Variants in ALDH4A1 observed in about 807,000 individuals in gnomAD.
The protein encoded by ALDH4A1 is aldehyde dehydrogenase 4 family member A1.
ALDH4A1 carries 46 observed loss-of-function variants against 70.5 expected under a neutral mutation model. The ratio of observed to expected loss-of-function variants is 0.65; its 90% CI spans 0.51 to 0.83. The LOEUF is 0.83. Ranked by LOEUF, ALDH4A1 falls within the 40% of genes least tolerant of loss-of-function variation. The probability of loss-of-function intolerance (pLI) is 0.00; values close to 1 mark genes in which losing one functional copy is unlikely to be tolerated. For synonymous variants in ALDH4A1, 323 were observed against 324.3 expected (o/e 1.00, Z 0.04); for missense variants, 749 against 766.5 (o/e 0.98, Z 0.27).
intron 1 of ALDH4A1, among the ~76,000 whole-genome samples, chr1:18,896,194 C>T (rs544522999): frequency 5.3e-5 from 8 of 152,204 alleles, no homozygotes; most frequent in South Asian, 2.1e-4. Flanking sequence ...TCTGTGTGCC[C>T]GCCAGGCCAC....
At chr1:18,885,427 T>TACCACCCCCCCCCCC in intron 5 of ALDH4A1, 46 bp downstream of exon 5, 1 of 650,922 alleles carries the variant, frequency 1.5e-6, no homozygotes, top group Non-Finnish European at 2.7e-6. Context: ...CACACCTGAC[T>TACCACCCCCCCCCCC]CCCACCCCAC....
At position 18,872,559 on chromosome 1, in the gene ALDH4A1, C is replaced by G. The variant is rs1934484670; in HGVS notation, c.*286G>C. 3.2e-6 allele frequency: 1 copy of G among 308,476 alleles called. No individual in the cohort carries two copies. Among genetic ancestry groups the G allele is most frequent in the Middle Eastern group, 9.8e-4 (1 of 1,020 alleles). 19.1% of individuals were successfully genotyped at this position (308,476 alleles called of 1,614,324 possible). On this transcript the variant is annotated 3_prime_UTR_variant, in exon 15 of 15. Coordinates refer to ENST00000375341, the MANE Select transcript of ALDH4A1 (RefSeq NM_003748.4). ...CTCCTTTCCCCAGGTCCCTGAGCCA[C>G]TGGGCCCAGTGGAGGGCAGAGGGAG... is the stretch of plus-strand genomic sequence containing the variant.
intron 5 of ALDH4A1, 46 bp downstream of exon 5, chr1:18,885,427 T>TGCCACCCCCCCCCCCCCCCCC: frequency 3.1e-6 from 2 of 650,920 alleles, no homozygotes; most frequent in East Asian, 3.2e-5. Context: ...CACACCTGAC[T>TGCCACCCCCCCCCCCCCCCCC]CCCACCCCAC....
chr1:18,876,051 G>A (rs1934666016), intron 12 of ALDH4A1, among the ~76,000 whole-genome samples: 1 of 152,206 alleles, frequency 6.6e-6, no homozygotes, highest in South Asian at 2.1e-4. Context: ...CAGCCATTAT[G>A]ATGGCTGCAG....
intron 1 of ALDH4A1, chr1:18,890,577 G>T: frequency 4.8e-6 from 3 of 628,878 alleles, no homozygotes; most frequent in Middle Eastern, 7.9e-4. Flanking sequence ...CACCTTGGGG[G>T]TCCACAACCC....
chr1:18,880,981 T>C lies in ALDH4A1; in HGVS notation c.866+719A>G, dbSNP rs1434570966. Among the ~76,000 whole-genome samples the C allele has an allele frequency of 6.6e-6, 1 of 152,000 alleles. No individual in the cohort carries two copies. The highest frequency in any genetic ancestry group is 1.5e-5 in the Non-Finnish European group (1 of 67,994). On this transcript the variant is annotated intron_variant, in intron 8 of 14. Coordinates refer to ENST00000375341, the MANE Select transcript of ALDH4A1 (RefSeq NM_003748.4). This position sits in a 1 kb window ranked among gnomAD's most constrained non-coding sequence, Gnocchi z 5.1. The stretch of plus-strand genomic sequence containing the variant: ...AAGTATCTTATGGTCACTGAACCAC[T>C]CCCTGCCGCCACCTCCAGCCTGAGA...
intron 11 of ALDH4A1, 152 bp from the exon 12 acceptor site, chr1:18,876,619 G>A: frequency 2.6e-6 from 2 of 762,036 alleles, no homozygotes; most frequent in Non-Finnish European, 2.0e-6. Context: ...CAAAAGCCAG[G>A]GTCTGGCTGA....
Position 18,889,403 on chromosome 1 carries a change from C to T in ALDH4A1, c.208G>A (p.Asp70Asn), listed in dbSNP as rs1319600530. The change falls in exon 3 of 15, where the codon GAT becomes AAT. Residue 70 changes from aspartate (D) to asparagine (N), a missense_variant. Coordinates refer to ENST00000375341, the MANE Select transcript of ALDH4A1 (RefSeq NM_003748.4). The stretch of plus-strand genomic sequence containing the variant: ...ACGTCCGACGTCCACACCTCCTCAT[C>T]CCCCACCACGCATGGGATGGCTTCC... ...RMEAIPCVVG[D>N]EEVWTSDVQY... 29 of 1,552,800 alleles carry T rather than the reference C, an allele frequency of 1.9e-5. No homozygotes were observed. Among genetic ancestry groups the T allele is most frequent in the Admixed American group, 1.2e-4 (6 of 51,226 alleles).
intron 4 of ALDH4A1, among the ~76,000 whole-genome samples, chr1:18,885,999 C>T (rs1162146060): frequency 6.6e-6 from 1 of 152,178 alleles, no homozygotes; most frequent in Admixed American, 6.5e-5. Flanking sequence ...GAGCCTGAGA[C>T]ACGGCTCTGC....
chr1:18,884,907 G>A (rs1391542723), intron 5 of ALDH4A1, among the ~76,000 whole-genome samples: 1 of 152,200 alleles, frequency 6.6e-6, no homozygotes, highest in Non-Finnish European at 1.5e-5. Context: ...GGCAGAGGCA[G>A]AGAGGATGCC....
Position 18,874,536 on chromosome 1 carries a change from G to A in ALDH4A1, c.1506C>T (p.Gly502=), listed in dbSNP as rs1035551031. ...EATKVLRNAA[G]NFYINDKSTG... ...TGGACTTGTCGTTGATGTAGAAGTT[G>A]CCGGCAGCATTCCTCAGCACCTTTG... is the stretch of plus-strand genomic sequence containing the variant. Residue 502 remains glycine (G), a synonymous_variant, in exon 14 of 15, where the codon GGC becomes GGT. Coordinates refer to ENST00000375341, the MANE Select transcript of ALDH4A1 (RefSeq NM_003748.4). 6.2e-7 allele frequency: 1 copy of A among 1,614,240 alleles called. No individual in the cohort carries two copies. Among genetic ancestry groups the A allele is most frequent in the Non-Finnish European group, 8.5e-7 (1 of 1,180,040 alleles).
rs1367476663 is a variant in ALDH4A1 at position 18,881,749 on chromosome 1, C to T, written c.817G>A (p.Val273Ile). 8 of 1,614,008 alleles carry T rather than the reference C, an allele frequency of 5.0e-6. No individual in the cohort carries two copies. Among genetic ancestry groups the T allele is most frequent in the Non-Finnish European group, 6.8e-6 (8 of 1,180,038 alleles). Reference sequence around the variant, plus strand: ...CCACAGAGGTGCTCTGAGCTGGTGACAGTGTCCCCAAATAGGGGCCCATCA... The same window carrying T: ...CCACAGAGGTGCTCTGAGCTGGTGATAGTGTCCCCAAATAGGGGCCCATCA... Reference protein sequence around the residue: ...PADGPLFGDTVTSSEHLCGIN... With the variant: ...PADGPLFGDTITSSEHLCGIN... The change falls in exon 8 of 15, where the codon GTC becomes ATC. Residue 273 changes from valine to isoleucine, a missense_variant. Coordinates refer to ENST00000375341, the MANE Select transcript of ALDH4A1 (RefSeq NM_003748.4).
At chr1:18,897,522 G>A (rs1208343398) in intron 1 of ALDH4A1, among the ~76,000 whole-genome samples, 1 of 152,204 alleles carries the variant, frequency 6.6e-6, no homozygotes, top group East Asian at 1.9e-4. Flanking sequence ...CAGCCTGGGA[G>A]GTAGAGCGAG....
rs1284161909 is a variant in ALDH4A1, at chr1:18,879,396, G to A, written c.867-23C>T. On this transcript the variant is annotated intron_variant, in intron 8 of 14. Coordinates refer to ENST00000375341, the MANE Select transcript of ALDH4A1 (RefSeq NM_003748.4). Reference sequence around the variant, plus strand: ...GTGCTGGAACCACAGGAGAAAGGGTGGGGTTCAGGGAGCCAGGCCAGAGGA... The same window carrying A: ...GTGCTGGAACCACAGGAGAAAGGGTAGGGTTCAGGGAGCCAGGCCAGAGGA... The A allele has an allele frequency of 2.5e-6, 4 of 1,602,900 alleles. No homozygotes were observed. The Admixed American group carries it at 5.1e-5, about 21-fold the overall frequency.
Position 18,881,882 on chromosome 1 carries a change from G to A in ALDH4A1, c.684C>T (p.Asn228=), listed in dbSNP as rs750010924. 1.6e-5 allele frequency: 26 copies of A among 1,613,166 alleles called. No homozygotes were observed. The highest frequency in any genetic ancestry group is 1.9e-5 in the Non-Finnish European group (23 of 1,180,012). Residue 228 remains asparagine, a synonymous_variant, in exon 8 of 15, where the codon AAC becomes AAT. Transcript: ENST00000375341. ...TGTCACTGGGCTTCCATAGGACCAC[G>A]TTGCCCTGCCCGGGAGGTGTTTCAG... ...NLAGAPALMG[N]VVLWKPSDTA...
chr1:18,894,792 C>T (rs1167751258), intron 1 of ALDH4A1, among the ~76,000 whole-genome samples: 2 of 152,070 alleles, frequency 1.3e-5, no homozygotes, highest in African/African-American at 4.8e-5. Context: ...CAAAGTTCAG[C>T]CTGAGTCGAC....
At chr1:18,873,579 T>C (rs1934539225) in intron 14 of ALDH4A1, among the ~76,000 whole-genome samples, 1 of 152,068 alleles carries the variant, frequency 6.6e-6, no homozygotes, top group Non-Finnish European at 1.5e-5. Context: ...TAATGCAGCC[T>C]CCATAAAAAC....
In ALDH4A1 at chr1:18,898,982, C is replaced by T. The variant is rs1160716909; in HGVS notation, c.62+3480G>A. ...CAGGAAACCACTGATCACATCACCG[C>T]TAATCCTTGCAGCCACCTGCTACGT... On this transcript the variant is annotated intron_variant, in intron 1 of 14. Transcript: ENST00000375341. This position sits in a 1 kb window ranked among gnomAD's most constrained non-coding sequence, Gnocchi z 4.3. Among the ~76,000 whole-genome samples, 2 of 152,248 alleles carry T rather than the reference C, an allele frequency of 1.3e-5. No homozygotes were observed. The highest frequency in any genetic ancestry group is 2.1e-4 in the South Asian group (1 of 4,830).
chr1:18,894,614 G>C (rs1233303356), intron 1 of ALDH4A1, among the ~76,000 whole-genome samples: 1 of 152,176 alleles, frequency 6.6e-6, no homozygotes, highest in African/African-American at 2.4e-5. Flanking sequence ...GTCAGAGTCA[G>C]AGATCCTGCA....
Sources: allele counts gnomAD v4.1 joint callset (sites outside exome capture counted in the v4.1 genomes callset), GRCh38; gene constraint gnomAD v4.1.1; non-coding constraint Gnocchi (gnomAD v3.1); transcripts MANE v1.5; gene names NCBI Gene and HGNC (gene_info 2026-07-23, HGNC 2026-07-21).